HLCS: variants seen among roughly 807,000 people sequenced by gnomAD.
HLCS encodes biotin--protein ligase.
HLCS carries 53 observed loss-of-function variants against 75.0 expected under a neutral mutation model. The observed-to-expected ratio is 0.71, with a 90% confidence interval of 0.57 to 0.89. HLCS has a LOEUF of 0.89. HLCS is among the 40% of genes least tolerant of loss of function. The pLI, the probability that HLCS is intolerant of heterozygous loss-of-function variation, is 0.00. For synonymous variants in HLCS, 431 were observed against 428.6 expected (o/e 1.01, Z -0.07); for missense variants, 966 against 1,074.0 (o/e 0.90, Z 1.41).
At chr21:36,873,451 A>C (rs1601587052) in intron 6 of HLCS, among the ~76,000 whole-genome samples, 1 of 152,302 alleles carries the variant, frequency 6.6e-6, no homozygotes, top group East Asian at 1.9e-4. Context: ...GTGTTGTTCA[A>C]ATCTTTTGCC....
At chr21:36,962,284 A>C (rs779793326) in intron 1 of HLCS, 114 bp from the exon 2 acceptor site, 11 of 653,966 alleles carry the variant, frequency 1.7e-5, no homozygotes, top group Non-Finnish European at 2.5e-5. Context: ...CATGGAAATA[A>C]GCTTATCTGA....
At chr21:36,977,994 C>T (rs2068989867) in intron 1 of HLCS, among the ~76,000 whole-genome samples, 1 of 152,192 alleles carries the variant, frequency 6.6e-6, no homozygotes, top group South Asian at 2.1e-4. Flanking sequence ...GTGGGGAGTT[C>T]CTTCCCAGTA....
chr21:36,846,447 C>T (rs372530240), intron 6 of HLCS, among the ~76,000 whole-genome samples: 7 of 152,118 alleles, frequency 4.6e-5, no homozygotes, highest in African/African-American at 1.4e-4. Context: ...TCCAACCAGG[C>T]AGGGCAGTTC....
chr21:36,937,383 A>C lies in HLCS; in HGVS notation c.503T>G (p.Leu168Trp), dbSNP rs753272133. 1.1e-5 allele frequency: 17 copies of C among 1,613,450 alleles called. No homozygotes were observed. The African/African-American group carries it at 2.1e-4, about 20-fold the overall frequency. ...LVPQKIVSVH[L>W]QDSTLKEVKD... ...AACTTCCTTCAGAGTGGAGTCCTGC[A>C]AGTGCACCGCTAAGGCATGAATAGG... The change falls in exon 4 of 11, where the codon TTG becomes TGG. Residue 168 changes from leucine to tryptophan, a missense_variant. Coordinates refer to ENST00000674895, the MANE Select transcript of HLCS (RefSeq NM_001352514.2).
At chr21:36,788,618 G>A (rs997923133) in intron 6 of HLCS, among the ~76,000 whole-genome samples, 1 of 152,214 alleles carries the variant, frequency 6.6e-6, no homozygotes, top group Non-Finnish European at 1.5e-5. Context: ...AGTGTGGGAG[G>A]AGGAGCTCTG....
intron 8 of HLCS, among the ~76,000 whole-genome samples, chr21:36,760,672 C>T (rs1054898063): frequency 3.3e-5 from 5 of 151,958 alleles, no homozygotes; most frequent in African/African-American, 4.8e-5. Context: ...GCGAAAGCCT[C>T]GCAGAACTGC....
intron 3 of HLCS, 79 bp from the exon 4 acceptor site, chr21:36,937,471 A>C: frequency 2.2e-5 from 27 of 1,235,014 alleles, no homozygotes; most frequent in Non-Finnish European, 2.9e-5. Flanking sequence ...CAAGAATCTC[A>C]TCACCCTCTC....
At chr21:36,921,579 G>A (rs1415736852) in intron 5 of HLCS, among the ~76,000 whole-genome samples, 2 of 152,198 alleles carry the variant, frequency 1.3e-5, no homozygotes, top group African/African-American at 4.8e-5. Context: ...CTCATGGTGG[G>A]TGAAACTGAC....
intron 6 of HLCS, among the ~76,000 whole-genome samples, chr21:36,869,626 G>A (rs528228527): frequency 1.5e-4 from 23 of 151,996 alleles, no homozygotes; most frequent in Non-Finnish European, 2.6e-4. Context: ...ATGATACACG[G>A]AGAACAAAAA....
At chr21:36,861,579 G>T (rs770919717) in intron 6 of HLCS, among the ~76,000 whole-genome samples, 32 of 152,046 alleles carry the variant, frequency 2.1e-4, no homozygotes, top group Non-Finnish European at 4.3e-4. Flanking sequence ...AGGGCCCATT[G>T]TTCCCCTCTT....
chr21:36,930,123 C>T (rs2066570737), intron 5 of HLCS, 128 bp downstream of exon 5: 1 of 879,800 alleles, frequency 1.1e-6, no homozygotes, highest in African/African-American at 1.7e-5. Context: ...AAGATGATTT[C>T]CAAACCCGAA....
chr21:36,889,342 G>A (rs760761119), intron 6 of HLCS, among the ~76,000 whole-genome samples: 9 of 152,138 alleles, frequency 5.9e-5, no homozygotes, highest in Non-Finnish European at 8.8e-5. Context: ...CACACACTGC[G>A]GTTTCACGTC....
chr21:36,772,426 C>T (rs2060235003), intron 6 of HLCS, among the ~76,000 whole-genome samples: 2 of 151,246 alleles, frequency 1.3e-5, no homozygotes, highest in African/African-American at 4.9e-5. Context: ...CACTTGAGCC[C>T]AGGAGTTCAA....
At chr21:36,801,353 C>T (rs1217335760) in intron 6 of HLCS, among the ~76,000 whole-genome samples, 3 of 152,172 alleles carry the variant, frequency 2.0e-5, no homozygotes, top group African/African-American at 7.2e-5. Context: ...GCATAATTAG[C>T]TCTCCAGCCC....
Position 36,937,037 on chromosome 21 carries a change from G to C in HLCS, c.849C>G (p.Ser283Arg), listed in dbSNP as rs750202558. 4.3e-6 allele frequency: 7 copies of C among 1,614,000 alleles called. No individual in the cohort carries two copies. The highest frequency in any genetic ancestry group is 5.9e-6 in the Non-Finnish European group (7 of 1,180,022). ...CATCAGCAACACTCTCCAAACTGCT[G>C]CTATAATCGTAGGGAAGGTCTGGAA... The part of the protein sequence containing the change: ...ENIPDLPYDY[S>R]SSLESVADET... The change falls in exon 4 of 11, where the codon AGC becomes AGG. Residue 283 changes from serine (S) to arginine (R), a missense_variant. By Grantham distance (110) the Ser-to-Arg change is moderately radical (BLOSUM62 -1). Transcript: ENST00000674895.
At chr21:36,789,995 C>T (rs1056247861) in intron 6 of HLCS, among the ~76,000 whole-genome samples, 2 of 152,188 alleles carry the variant, frequency 1.3e-5, no homozygotes, top group African/African-American at 4.8e-5. Flanking sequence ...ACTCCTGATG[C>T]CTACTGCCAC....
chr21:36,790,958 T>G lies in HLCS; in HGVS notation c.1893-23673A>C, dbSNP rs190203384. 2.4e-3 allele frequency among the ~76,000 whole-genome samples: 367 copies of G among 152,328 alleles called. 10 individuals are homozygous for G. The highest frequency in any genetic ancestry group is 0.021 in the Admixed American group (318 of 15,308). On this transcript the variant is annotated intron_variant, in intron 6 of 10. Transcript: ENST00000674895. ...TTGGCAGTGGTGTTGGCAAAGAACCTGGGTGTAGGACAATGTGCTTTGTAA... is the reference window on the plus strand; with the variant it reads ...TTGGCAGTGGTGTTGGCAAAGAACCGGGGTGTAGGACAATGTGCTTTGTAA...
At chr21:36,911,516 G>C (rs199817943) in intron 5 of HLCS, among the ~76,000 whole-genome samples, 2 of 151,994 alleles carry the variant, frequency 1.3e-5, no homozygotes, top group African/African-American at 4.8e-5. Flanking sequence ...AGGCTGAGGC[G>C]GGCGGATCAC....
intron 6 of HLCS, among the ~76,000 whole-genome samples, chr21:36,846,692 G>C (rs1357881752): frequency 6.6e-6 from 1 of 152,200 alleles, no homozygotes; most frequent in Non-Finnish European, 1.5e-5. Context: ...AATCTAGGTT[G>C]AGAAAGAACT....
Sources: gnomAD v4.1 joint callset for allele counts (sites outside exome capture counted in the v4.1 genomes callset) on GRCh38, gnomAD v4.1.1 for gene constraint, MANE v1.5 for transcripts, NCBI Gene and HGNC (gene_info 2026-07-23, HGNC 2026-07-21) for gene names.